PRRC1: variants seen among roughly 807,000 people sequenced by gnomAD.
PRRC1 encodes protein PRRC1.
PRRC1 carries 39 observed loss-of-function variants against 40.7 expected under a neutral mutation model. That is an observed-to-expected ratio of 0.96 (90% CI 0.74 to 1.25). The LOEUF is 1.25. Ranked by LOEUF, PRRC1 falls within the 50% of genes most tolerant of loss-of-function variation. PRRC1 has a pLI of 0.00. For synonymous variants in PRRC1, 175 were observed against 193.3 expected, an observed-to-expected ratio of 0.91 and a Z score of 0.79; for missense variants, 573 against 548.3, an observed-to-expected ratio of 1.05 and a Z score of -0.45.
chr5:127,547,446 A>G (rs112567840), intron 7 of PRRC1, among the ~76,000 whole-genome samples: 1,607 of 152,146 alleles, frequency 0.011, 25 homozygotes, highest in African/African-American at 0.036. Flanking sequence ...AAAATTTCCC[A>G]TATTTTAGCA....
At chr5:127,525,913 G>C (rs1043899839) in intron 3 of PRRC1, among the ~76,000 whole-genome samples, 2 of 152,148 alleles carry the variant, frequency 1.3e-5, no homozygotes, top group African/African-American at 4.8e-5. Context: ...CTGTTCCAGG[G>C]AGTAGTGTTT....
At chr5:127,532,752 A>G (rs1234236940) in intron 5 of PRRC1, among the ~76,000 whole-genome samples, 1 of 152,230 alleles carries the variant, frequency 6.6e-6, no homozygotes, top group Non-Finnish European at 1.5e-5. Flanking sequence ...CCTGTTCCAC[A>G]TGATATTTAT....
At chr5:127,542,504 A>G (rs1768077116) in intron 7 of PRRC1, among the ~76,000 whole-genome samples, 1 of 151,692 alleles carries the variant, frequency 6.6e-6, no homozygotes, top group South Asian at 2.1e-4. Flanking sequence ...ATTGTGTGGG[A>G]GTCTAAGTCT....
rs115421590 is a variant in PRRC1, at chr5:127,522,811, C to T, written c.-20-649C>T. ...TATTTTTAGAGATCTTGCTCTGTCACGCAGGCTGGAGTGCAGTGGTGCAGT... is the reference window on the plus strand; with the variant it reads ...TATTTTTAGAGATCTTGCTCTGTCATGCAGGCTGGAGTGCAGTGGTGCAGT... On this transcript the variant is annotated intron_variant, in intron 1 of 8. Coordinates refer to ENST00000296666, the MANE Select transcript of PRRC1 (RefSeq NM_130809.5). Among the ~76,000 whole-genome samples the T allele has an allele frequency of 8.6e-3, 1,315 of 152,042 alleles. 12 individuals are homozygous for T. Among genetic ancestry groups the T allele is most frequent in the East Asian group, 0.03 (155 of 5,186 alleles).
At position 127,552,983 on chromosome 5, in the gene PRRC1, C is replaced by A. The variant is rs370490327; in HGVS notation, c.*1067C>A. Reference sequence around the variant, plus strand: ...TATTTCTATTTCGTGGAAGCCTTTTCCCCTCAAATAATATATTATATCATT... The same window carrying A: ...TATTTCTATTTCGTGGAAGCCTTTTACCCTCAAATAATATATTATATCATT... On this transcript the variant is annotated 3_prime_UTR_variant, in exon 9 of 9. Coordinates refer to ENST00000296666, the MANE Select transcript of PRRC1 (RefSeq NM_130809.5). The A allele has an allele frequency of 7.5e-6, 6 of 798,324 alleles. No individual in the cohort carries two copies. In the South Asian group the frequency reaches 3.5e-4, roughly 46 times the overall value. The allele number at this position is 798,324 out of a possible 1,614,324, so 49.5% of individuals were successfully genotyped here.
intron 1 of PRRC1, among the ~76,000 whole-genome samples, chr5:127,519,611 T>C (rs1167335942): frequency 6.6e-6 from 1 of 152,150 alleles, no homozygotes; most frequent in East Asian, 1.9e-4. Flanking sequence ...TTCTTTTAGC[T>C]CATCTCTTAT....
intron 6 of PRRC1, among the ~76,000 whole-genome samples, chr5:127,534,532 A>G (rs1767847470): frequency 6.6e-6 from 1 of 152,172 alleles, no homozygotes. Flanking sequence ...ACAGTTGATC[A>G]TGCACTTCTC....
At chr5:127,522,666 C>T (rs1767490171) in intron 1 of PRRC1, among the ~76,000 whole-genome samples, 1 of 151,504 alleles carries the variant, frequency 6.6e-6, no homozygotes, top group Non-Finnish European at 1.5e-5. Flanking sequence ...TGTAGGTTTA[C>T]AGCGGTCAGC....
chr5:127,525,092 A>T (rs1340949024), intron 3 of PRRC1, among the ~76,000 whole-genome samples, 172 bp downstream of exon 3: 1 of 152,178 alleles, frequency 6.6e-6, no homozygotes, highest in Non-Finnish European at 1.5e-5. Context: ...TCGCAATTTT[A>T]TAACCTTTTC....
chr5:127,544,641 G>A (rs1323309455), intron 7 of PRRC1, among the ~76,000 whole-genome samples: 1 of 152,236 alleles, frequency 6.6e-6, no homozygotes, highest in Admixed American at 6.5e-5. Context: ...AGGCTGCTGT[G>A]CCAGCAATCA....
intron 8 of PRRC1, 65 bp from the exon 9 acceptor site, chr5:127,551,642 T>G: frequency 6.7e-7 from 1 of 1,491,242 alleles, no homozygotes; most frequent in South Asian, 1.2e-5. Context: ...GAAATGTCAC[T>G]TATAGCTAGT....
At chr5:127,544,053 T>G (rs1406798959) in intron 7 of PRRC1, among the ~76,000 whole-genome samples, 1 of 151,700 alleles carries the variant, frequency 6.6e-6, no homozygotes, top group Non-Finnish European at 1.5e-5. Context: ...GGGTTTTTGG[T>G]GTGGATGTCC....
At chr5:127,531,459 T>A (rs1322444107) in intron 5 of PRRC1, among the ~76,000 whole-genome samples, 2 of 152,188 alleles carry the variant, frequency 1.3e-5, no homozygotes, top group Non-Finnish European at 2.9e-5. Flanking sequence ...TTCTTTTCTT[T>A]GCAAGTACAT....
intron 6 of PRRC1, among the ~76,000 whole-genome samples, chr5:127,536,394 A>C (rs968927336): frequency 8.5e-5 from 13 of 152,140 alleles, no homozygotes; most frequent in African/African-American, 3.1e-4. Flanking sequence ...ATAAGCATTC[A>C]TACGGGCGAT....
In PRRC1 at chr5:127,553,834, G is replaced by A. The variant is rs1768456190; in HGVS notation, c.*1918G>A. The A allele has an allele frequency of 6.5e-7, 1 of 1,535,718 alleles. No individual in the cohort carries two copies. Among genetic ancestry groups the A allele is most frequent in the Non-Finnish European group, 8.7e-7 (1 of 1,146,704 alleles). On this transcript the variant is annotated 3_prime_UTR_variant, in exon 9 of 9. Coordinates refer to ENST00000296666, the MANE Select transcript of PRRC1 (RefSeq NM_130809.5). ...CTAGAATCCCCAAAGAGCAGTGGCA[G>A]TCCATGGCTTGGTTGAAGCTAGAAA...
At chr5:127,533,968 A>AT in intron 6 of PRRC1, 182 bp downstream of exon 6, 2 of 692,606 alleles carry the variant, frequency 2.9e-6, no homozygotes, top group Non-Finnish European at 5.1e-6. Flanking sequence ...ATTTAAAGAA[A>AT]TTTAAGATAG....
In PRRC1 at chr5:127,523,564, T is replaced by C; in HGVS notation, c.85T>C (p.Ser29Pro). ...AGGGCTGGCTGCTACTGCTATGTCTTCTACCCCTGTTCCATTAGGTACATG... is the reference window on the plus strand; with the variant it reads ...AGGGCTGGCTGCTACTGCTATGTCTCCTACCCCTGTTCCATTAGGTACATG... ...PAGLAATAMSSTPVPLAATSS... is the reference protein window; with the variant it reads ...PAGLAATAMSPTPVPLAATSS... The change falls in exon 2 of 9, where the codon TCT (serine) becomes CCT (proline). Residue 29 changes from serine (S) to proline (P), a missense_variant. Ser to Pro is a moderately conservative substitution (Grantham distance 74). Transcript: ENST00000296666. 6.2e-7 allele frequency: 1 copy of C among 1,610,552 alleles called. No homozygotes were observed. Among genetic ancestry groups the C allele is most frequent in the East Asian group, 2.2e-5 (1 of 44,802 alleles).
Position 127,552,762 on chromosome 5 carries a change from A to G in PRRC1, c.*846A>G. 1 of 984,640 alleles carries G rather than the reference A, an allele frequency of 1.0e-6. No homozygotes were observed. Among genetic ancestry groups the G allele is most frequent in the South Asian group, 4.7e-5 (1 of 21,270 alleles). The allele number at this position is 984,640 out of a possible 1,614,324, so 61.0% of individuals were successfully genotyped here. On this transcript the variant is annotated 3_prime_UTR_variant, in exon 9 of 9. Transcript: ENST00000296666. ...TTCTGCTTCCACTCATATTCTCTACACATTTTAATACAGAAATTTTTGAGA... is the reference window on the plus strand; with the variant it reads ...TTCTGCTTCCACTCATATTCTCTACGCATTTTAATACAGAAATTTTTGAGA...
rs2127090427 is a variant in PRRC1 at position 127,523,726 on chromosome 5, TAAAGA to T, written c.103+146_103+150del. The T allele has an allele frequency of 8.7e-6, 4 of 460,478 alleles. No homozygotes were observed. The South Asian group carries it at 2.7e-4, about 31-fold the overall frequency. 28.5% of individuals were successfully genotyped at this position (460,478 alleles called of 1,614,324 possible). A position where few individuals can be genotyped will look rare whatever the true frequency, so the allele number is the denominator to read the frequency against. On this transcript the variant is annotated intron_variant, in intron 2 of 8. Transcript: ENST00000296666. Reference sequence around the variant, plus strand: ...ATGAAAGGAAATAGCCTTTTTAATTTAAAGAATAGAAAGAAAGTCTTGTGTATTTA... The same window carrying T: ...ATGAAAGGAAATAGCCTTTTTAATTTATAGAAAGAAAGTCTTGTGTATTTA...
Sources: gnomAD v4.1 joint callset for allele counts (sites outside exome capture counted in the v4.1 genomes callset) on GRCh38, gnomAD v4.1.1 for gene constraint, MANE v1.5 for transcripts, NCBI Gene and HGNC (gene_info 2026-07-23, HGNC 2026-07-21) for gene names.